The following KIAA1217 variants were observed in gnomAD, a reference collection of about 807,000 sequenced individuals.
KIAA1217 encodes KIAA1217.
In KIAA1217, 88 loss-of-function variants were observed where a neutral mutation model predicts 163.9. The observed-to-expected ratio is 0.54, with a 90% confidence interval of 0.45 to 0.64. KIAA1217 has a LOEUF of 0.64. Ranked by LOEUF, KIAA1217 falls within the 30% of genes least tolerant of loss-of-function variation. KIAA1217 has a pLI of 0.00. For missense variants in KIAA1217, 2,372 were observed against 2,475.0 expected (o/e 0.96, Z 0.88); for synonymous variants, 903 against 923.1 (o/e 0.98, Z 0.39).
intron 2 of KIAA1217, among the ~76,000 whole-genome samples, chr10:24,362,726 C>T (rs1045159157): frequency 6.6e-6 from 1 of 152,112 alleles, no homozygotes; most frequent in East Asian, 1.9e-4. Context: ...CTGGGCCGGG[C>T]GCGGTGGCTC....
chr10:24,349,150 A>AG (rs2048159524), intron 2 of KIAA1217, among the ~76,000 whole-genome samples: 1 of 151,762 alleles, frequency 6.6e-6, no homozygotes, highest in Non-Finnish European at 1.5e-5. Flanking sequence ...AAAAAAAAAA[A>AG]AAAGAGAGAT....
At chr10:24,340,388 G>C (rs994441724) in intron 2 of KIAA1217, among the ~76,000 whole-genome samples, 1 of 152,014 alleles carries the variant, frequency 6.6e-6, no homozygotes, top group African/African-American at 2.4e-5. Flanking sequence ...CCTTTCACTT[G>C]CCTCTCCTTC....
intron 2 of KIAA1217, among the ~76,000 whole-genome samples, chr10:24,348,710 G>C (rs2048098272): frequency 6.6e-6 from 1 of 152,132 alleles, no homozygotes; most frequent in South Asian, 2.1e-4. Context: ...TGGATCTCAA[G>C]AATAAGCAGG....
At chr10:23,937,519 A>G (rs1361337901) in intron 1 of KIAA1217, among the ~76,000 whole-genome samples, 4 of 152,168 alleles carry the variant, frequency 2.6e-5, no homozygotes, top group Non-Finnish European at 5.9e-5. Flanking sequence ...TGTTCACCAG[A>G]ATCTGCACCT....
intron 1 of KIAA1217, among the ~76,000 whole-genome samples, chr10:23,816,839 C>T (rs549810142): frequency 6.6e-6 from 1 of 152,204 alleles, no homozygotes; most frequent in South Asian, 2.1e-4. Context: ...TGGAAATCGG[C>T]CTTTGGGCAC....
intron 2 of KIAA1217, among the ~76,000 whole-genome samples, chr10:24,087,687 A>T (rs981888629): frequency 1.3e-5 from 2 of 152,206 alleles, no homozygotes; most frequent in African/African-American, 4.8e-5. Flanking sequence ...ACCATTTGCA[A>T]AGGCCATTTG....
intron 1 of KIAA1217, among the ~76,000 whole-genome samples, chr10:23,883,183 T>A (rs1290666893): frequency 6.6e-6 from 1 of 151,804 alleles, no homozygotes; most frequent in Non-Finnish European, 1.5e-5. Context: ...TTGAACCGAG[T>A]GAAATTGTGA....
intron 1 of KIAA1217, among the ~76,000 whole-genome samples, chr10:23,893,941 C>T (rs11013772): frequency 4.6e-4 from 69 of 150,498 alleles, no homozygotes; most frequent in South Asian, 1.5e-3. Flanking sequence ...ATTCAACAAC[C>T]CTTCATGCTA....
intron 5 of KIAA1217, among the ~76,000 whole-genome samples, chr10:24,448,478 C>T (rs1159620988): frequency 1.3e-5 from 2 of 152,214 alleles, no homozygotes; most frequent in Non-Finnish European, 2.9e-5. Flanking sequence ...GCCTCAGCCT[C>T]CCTGGCTCAA....
intron 2 of KIAA1217, among the ~76,000 whole-genome samples, chr10:24,146,087 C>T (rs2064296834): frequency 6.6e-6 from 1 of 152,126 alleles, no homozygotes; most frequent in South Asian, 2.1e-4. Context: ...TCTTTTTTGG[C>T]TTTGTAAGAA....
chr10:23,868,289 T>C (rs142454426), intron 1 of KIAA1217, among the ~76,000 whole-genome samples: 1,765 of 152,196 alleles, frequency 0.012, 35 homozygotes, highest in African/African-American at 0.04. Flanking sequence ...GGTTACTCAG[T>C]TAAGCCAGGC....
intron 2 of KIAA1217, among the ~76,000 whole-genome samples, chr10:24,037,204 G>A (rs976160892): frequency 1.3e-5 from 2 of 152,108 alleles, no homozygotes; most frequent in Admixed American, 1.3e-4. Flanking sequence ...AGTGGCTCAC[G>A]CCTATAATCC....
chr10:23,756,995 G>A (rs1411461477), intron 1 of KIAA1217, among the ~76,000 whole-genome samples: 2 of 152,132 alleles, frequency 1.3e-5, no homozygotes, highest in Non-Finnish European at 2.9e-5. Flanking sequence ...TGGCTGACTT[G>A]TTTTGCTTAG....
rs116251483 is a variant in KIAA1217 at position 24,375,274 on chromosome 10, C to T, written c.355-5595C>T. The stretch of plus-strand genomic sequence containing the variant: ...GGAGCTCCCTGTCTTCCTTCCCACC[C>T]TTAGTCCTCAACCCAGCATGGACAT... On this transcript the variant is annotated intron_variant, in intron 2 of 20. Coordinates refer to ENST00000376454, the MANE Select transcript of KIAA1217 (RefSeq NM_019590.5). Among the ~76,000 whole-genome samples the T allele has an allele frequency of 5.2e-3, 793 of 152,226 alleles. 8 individuals carry two copies. The highest frequency in any genetic ancestry group is 0.018 in the African/African-American group (731 of 41,542).
chr10:24,211,903 A>G (rs11013972), intron 1 of KIAA1217, among the ~76,000 whole-genome samples: 88,503 of 151,472 alleles, frequency 0.58, 26,159 homozygotes, highest in East Asian at 0.7. Flanking sequence ...AAAAAAATTT[A>G]GCTAGGCATA....
intron 3 of KIAA1217, among the ~76,000 whole-genome samples, chr10:24,414,166 A>C (rs535977594): frequency 2.4e-4 from 37 of 152,238 alleles, no homozygotes; most frequent in Non-Finnish European, 5.1e-4. Flanking sequence ...GATCAAGATA[A>C]TAGTCCAGTC....
intron 2 of KIAA1217, among the ~76,000 whole-genome samples, chr10:24,355,077 G>A (rs192549441): frequency 1.1e-4 from 16 of 152,342 alleles, no homozygotes; most frequent in African/African-American, 3.6e-4. Context: ...TAGGTAAGAA[G>A]CTTGAAGATG....
At chr10:23,866,951 A>G (rs1464771076) in intron 1 of KIAA1217, among the ~76,000 whole-genome samples, 1 of 148,790 alleles carries the variant, frequency 6.7e-6, no homozygotes, top group African/African-American at 2.5e-5. Flanking sequence ...TGCACCCATT[A>G]ACTCATCATT....
chr10:24,053,614 C>A (rs1241981078), intron 2 of KIAA1217, among the ~76,000 whole-genome samples: 1 of 151,900 alleles, frequency 6.6e-6, no homozygotes, highest in African/African-American at 2.4e-5. Flanking sequence ...AATGCCTTTG[C>A]CCACTCAAAA....
Sources: gnomAD v4.1 joint callset for allele counts (sites outside exome capture counted in the v4.1 genomes callset) on GRCh38, gnomAD v4.1.1 for gene constraint, MANE v1.5 for transcripts, NCBI Gene and HGNC (gene_info 2026-07-23, HGNC 2026-07-21) for gene names.